EPB41L5: variants seen among roughly 807,000 people sequenced by gnomAD.
The protein encoded by EPB41L5 is erythrocyte membrane protein band 4.1 like 5, also known as band 4.1-like protein 5.
Under a neutral mutation model 106.6 loss-of-function variants are expected in EPB41L5, and 55 were observed. That is an observed-to-expected ratio of 0.52 (90% confidence interval 0.42 to 0.65). The LOEUF is 0.65. EPB41L5 is among the 30% of genes least tolerant of loss of function. The pLI, the probability that EPB41L5 is intolerant of heterozygous loss-of-function variation, is 0.00. For missense variants in EPB41L5, 871 were observed against 882.1 expected, an observed-to-expected ratio of 0.99 and a Z score of 0.16; for synonymous variants, 297 against 306.7, an observed-to-expected ratio of 0.97 and a Z score of 0.33.
At position 120,175,288 on chromosome 2, in the gene EPB41L5, C is replaced by T. The variant is rs1687880921; in HGVS notation, c.*381C>T. ...TCAACAGCCTTTTGAAAGCTATTTC[C>T]ATCTAGTATCAGGGTGAGAGCATCC... On this transcript the variant is annotated 3_prime_UTR_variant, in exon 25 of 25. Transcript: ENST00000263713. 1 of 199,850 alleles carries T rather than the reference C, an allele frequency of 5.0e-6. No individual in the cohort carries two copies. The highest frequency in any genetic ancestry group is 9.1e-5 in the South Asian group (1 of 11,008). 12.4% of individuals were successfully genotyped at this position (199,850 alleles called of 1,614,324 possible). A position where few individuals can be genotyped will look rare whatever the true frequency, so the allele number is the denominator to read the frequency against.
At chr2:120,070,860 G>T (rs1681814791) in intron 3 of EPB41L5, among the ~76,000 whole-genome samples, 1 of 152,150 alleles carries the variant, frequency 6.6e-6, no homozygotes, top group South Asian at 2.1e-4. Flanking sequence ...AGCTATTTAT[G>T]ACAAACCCAC....
At chr2:120,075,339 C>G (rs1682155993) in intron 5 of EPB41L5, 137 bp from the exon 6 acceptor site, 2 of 694,616 alleles carry the variant, frequency 2.9e-6, no homozygotes, top group Non-Finnish European at 5.0e-6. Context: ...TTCATGTATC[C>G]CCAAACTATG....
chr2:120,053,460 A>G (rs988821702), intron 3 of EPB41L5, among the ~76,000 whole-genome samples: 1 of 151,956 alleles, frequency 6.6e-6, no homozygotes, highest in African/African-American at 2.4e-5. Flanking sequence ...CATTTTCATC[A>G]CCCCCAAAGA....
intron 14 of EPB41L5, among the ~76,000 whole-genome samples, chr2:120,099,025 C>G (rs919529439): frequency 2.0e-5 from 3 of 152,224 alleles, no homozygotes; most frequent in African/African-American, 7.2e-5. Flanking sequence ...CTCGGGGTAC[C>G]CGAAGTATTC....
intron 20 of EPB41L5, among the ~76,000 whole-genome samples, chr2:120,156,275 C>T (rs1040240827): frequency 2.6e-5 from 4 of 152,120 alleles, no homozygotes; most frequent in Non-Finnish European, 4.4e-5. Flanking sequence ...AAGCCTCTGG[C>T]GTCCTTGGAG....
intron 5 of EPB41L5, chr2:120,074,380 G>T: frequency 2.0e-5 from 10 of 490,492 alleles, no homozygotes; most frequent in South Asian, 1.1e-4. Flanking sequence ...ATAAAGAGTT[G>T]GTTTCTTAGC....
chr2:120,062,333 G>A (rs1313503297), intron 3 of EPB41L5, among the ~76,000 whole-genome samples: 1 of 152,132 alleles, frequency 6.6e-6, no homozygotes, highest in Non-Finnish European at 1.5e-5. Flanking sequence ...AGTTGAAGGA[G>A]TAAGTCTAGA....
At chr2:120,106,641 TTTAAC>T in intron 16 of EPB41L5, 1 of 984,356 alleles carries the variant, frequency 1.0e-6, no homozygotes, top group African/African-American at 1.7e-5. Context: ...GCTAATTTTA[TTTAAC>T]TTAATTAATT....
intron 6 of EPB41L5, 81 bp downstream of exon 6, chr2:120,075,601 A>G (rs1682173847): frequency 2.8e-6 from 4 of 1,423,686 alleles, no homozygotes; most frequent in Non-Finnish European, 3.9e-6. Flanking sequence ...TTATAGTTGT[A>G]AAAAAGAAAT....
At chr2:120,061,031 GTTTTTTTTTTT>G (rs375754153) in intron 3 of EPB41L5, among the ~76,000 whole-genome samples, 20 of 69,128 alleles carry the variant, frequency 2.9e-4, no homozygotes, top group Admixed American at 6.7e-4. Flanking sequence ...GTTCAGGGAA[GTTTTTTTTTTT>G]TTTTTTTTTT....
At chr2:120,136,866 T>C (rs1685943974) in intron 18 of EPB41L5, among the ~76,000 whole-genome samples, 1 of 152,018 alleles carries the variant, frequency 6.6e-6, no homozygotes, top group Non-Finnish European at 1.5e-5. Context: ...AAATTGGATT[T>C]AATCAGTGTA....
chr2:120,025,704 A>T (rs2105147578), intron 2 of EPB41L5, among the ~76,000 whole-genome samples: 1 of 152,360 alleles, frequency 6.6e-6, no homozygotes, highest in East Asian at 1.9e-4. Context: ...GTAGGATGGC[A>T]GTACACCTCA....
chr2:120,164,973 G>C (rs1027327400), intron 22 of EPB41L5, 63 bp downstream of exon 22: 2 of 1,253,794 alleles, frequency 1.6e-6, no homozygotes, highest in African/African-American at 3.1e-5. Flanking sequence ...GTTCCTGCTA[G>C]ATTCCAGTTT....
At chr2:120,148,700 T>A (rs1483604662) in intron 20 of EPB41L5, among the ~76,000 whole-genome samples, 3 of 152,210 alleles carry the variant, frequency 2.0e-5, no homozygotes, top group Admixed American at 6.5e-5. Context: ...TGTCCCTCCT[T>A]ATGGCTAAAT....
chr2:120,145,966 G>T (rs982587338), intron 19 of EPB41L5, among the ~76,000 whole-genome samples: 2 of 151,704 alleles, frequency 1.3e-5, no homozygotes, highest in Non-Finnish European at 2.9e-5. Context: ...TAAAAAATGG[G>T]TGCATTATTG....
At chr2:120,073,450 G>T (rs1376518067) in intron 4 of EPB41L5, among the ~76,000 whole-genome samples, 3 of 152,164 alleles carry the variant, frequency 2.0e-5, no homozygotes, top group African/African-American at 7.2e-5. Context: ...AAACCTTGCA[G>T]CTTGCAAATG....
At chr2:120,133,259 G>A (rs1685783528) in intron 18 of EPB41L5, among the ~76,000 whole-genome samples, 1 of 152,144 alleles carries the variant, frequency 6.6e-6, no homozygotes, top group Admixed American at 6.5e-5. Flanking sequence ...AAATTAAATA[G>A]CTCTCCATAC....
intron 3 of EPB41L5, among the ~76,000 whole-genome samples, chr2:120,065,800 G>A (rs1681408467): frequency 6.6e-6 from 1 of 152,140 alleles, no homozygotes; most frequent in South Asian, 2.1e-4. Flanking sequence ...GCAGGTGTGA[G>A]CCACCTTACC....
intron 13 of EPB41L5, 128 bp from the exon 14 acceptor site, chr2:120,093,121 C>A: frequency 1.2e-6 from 1 of 825,626 alleles, no homozygotes; most frequent in Non-Finnish European, 2.0e-6. Context: ...GACCCTTTCT[C>A]AAAGAAATAA....
Sources: allele counts gnomAD v4.1 joint callset (sites outside exome capture counted in the v4.1 genomes callset), GRCh38; gene constraint gnomAD v4.1.1; transcripts MANE v1.5; gene names NCBI Gene and HGNC (gene_info 2026-07-23, HGNC 2026-07-21).